Variants in TK2 observed in about 807,000 individuals in gnomAD.
TK2 encodes the protein thymidine kinase 2.
A neutral mutation model predicts 41.9 loss-of-function variants in TK2; 35 were observed. The ratio of observed to expected loss-of-function variants is 0.84; its 90% CI spans 0.64 to 1.11. TK2 has a LOEUF of 1.11. Among genes scored for constraint, TK2 ranks in the 50% least tolerant of loss-of-function variants. TK2 has a pLI of 0.00. For missense variants in TK2, 320 were observed against 351.1 expected (o/e 0.91, Z 0.71); for synonymous variants, 128 against 129.1 (o/e 0.99, Z 0.06).
rs1964431876 is a variant in TK2 at position 66,510,922 on chromosome 16, T to C, written c.*1046A>G. 1 of 152,184 alleles carries C rather than the reference T, an allele frequency of 6.6e-6. No homozygotes were observed. The highest frequency in any genetic ancestry group is 1.5e-5 in the Non-Finnish European group (1 of 68,048). 9.4% of individuals were successfully genotyped at this position (152,184 alleles called of 1,614,324 possible). Reference sequence around the variant, plus strand: ...CAAAGATGATTTCAGGCTCTATGGCTCGAGGCATTTCCCTGGATGAAATAA... The same window carrying C: ...CAAAGATGATTTCAGGCTCTATGGCCCGAGGCATTTCCCTGGATGAAATAA... On this transcript the variant is annotated 3_prime_UTR_variant, in exon 10 of 10. Coordinates refer to ENST00000544898, the MANE Select transcript of TK2 (RefSeq NM_004614.5).
chr16:66,515,013 G>T (rs1448637253), intron 8 of TK2, among the ~76,000 whole-genome samples: 2 of 152,110 alleles, frequency 1.3e-5, no homozygotes, highest in Non-Finnish European at 2.9e-5. Flanking sequence ...CAAGTACCCA[G>T]GGACACAAAC....
At chr16:66,520,613 G>C (rs990686515) in intron 6 of TK2, among the ~76,000 whole-genome samples, 1 of 152,202 alleles carries the variant, frequency 6.6e-6, no homozygotes. Context: ...TCCAACCAGC[G>C]AGTGAGAAGC....
At chr16:66,525,641 C>T (rs781663509) in intron 6 of TK2, among the ~76,000 whole-genome samples, 29 of 152,204 alleles carry the variant, frequency 1.9e-4, no homozygotes, top group Non-Finnish European at 3.2e-4. Flanking sequence ...CTCCCAGTAG[C>T]CTCTGGAGTG....
chr16:66,528,242 G>A (rs1427883057), intron 6 of TK2, among the ~76,000 whole-genome samples: 1 of 152,132 alleles, frequency 6.6e-6, no homozygotes, highest in Non-Finnish European at 1.5e-5. Flanking sequence ...GGGACAGGTG[G>A]GGTCTGCAAC....
chr16:66,522,435 A>T (rs1177483572), intron 6 of TK2, among the ~76,000 whole-genome samples: 1 of 152,224 alleles, frequency 6.6e-6, no homozygotes, highest in East Asian at 1.9e-4. Flanking sequence ...TTCTTAGAAA[A>T]GGACGACCAG....
At position 66,517,413 on chromosome 16, in the gene TK2, G is replaced by A; in HGVS notation, c.539-198C>T. ...CAGCGGCCCCGTGGGGTCGTTTTGAGGCTGAATGGGATTCTGTTCATAGAC... is the reference window on the plus strand; with the variant it reads ...CAGCGGCCCCGTGGGGTCGTTTTGAAGCTGAATGGGATTCTGTTCATAGAC... On this transcript the variant is annotated intron_variant, in intron 7 of 9. Transcript: ENST00000544898. The surrounding 1 kb of genome is among the most constrained non-coding windows in gnomAD (Gnocchi z 4.3). 3 of 656,806 alleles carry A rather than the reference G, an allele frequency of 4.6e-6. No homozygotes were observed. Among genetic ancestry groups the A allele is most frequent in the Non-Finnish European group, 8.2e-6 (3 of 364,080 alleles). 40.7% of individuals were successfully genotyped at this position (656,806 alleles called of 1,614,324 possible).
At chr16:66,546,380 T>G (rs951085029) in intron 2 of TK2, among the ~76,000 whole-genome samples, 4 of 152,216 alleles carry the variant, frequency 2.6e-5, no homozygotes, top group African/African-American at 9.6e-5. Flanking sequence ...AATAAAGCTG[T>G]TTTAAAAAGG....
At chr16:66,528,890 T>C (rs949701260) in intron 6 of TK2, 104 bp downstream of exon 6, 24 of 1,094,390 alleles carry the variant, frequency 2.2e-5, no homozygotes, top group Admixed American at 9.0e-5. Flanking sequence ...GGATAACTGA[T>C]ACAACAGCGG....
intron 6 of TK2, among the ~76,000 whole-genome samples, chr16:66,527,775 A>G (rs989882254): frequency 6.6e-6 from 1 of 152,180 alleles, no homozygotes; most frequent in African/African-American, 2.4e-5. Flanking sequence ...CACACCTATA[A>G]TCCCAGCACT....
Position 66,548,601 on chromosome 16 carries a change from G to A in TK2, c.156+377C>T, listed in dbSNP as rs376292433. 15 of 260,184 alleles carry A rather than the reference G, an allele frequency of 5.8e-5. 1 individual carries two copies. Among genetic ancestry groups the A allele is most frequent in the African/African-American group, 1.4e-4 (6 of 44,422 alleles). The allele number at this position is 260,184 out of a possible 1,614,324, so 16.1% of individuals were successfully genotyped here. A position where few individuals can be genotyped will look rare whatever the true frequency, so the allele number is the denominator to read the frequency against. On this transcript the variant is annotated intron_variant, in intron 2 of 9. Transcript: ENST00000544898. ...TGCCCACCCACCAGTCTCAACACTG[G>A]GGGGAGAGGGTGGTGGTGGACAGAG...
chr16:66,534,594 T>C (rs1354863220), intron 4 of TK2, among the ~76,000 whole-genome samples: 1 of 152,246 alleles, frequency 6.6e-6, no homozygotes, highest in African/African-American at 2.4e-5. Context: ...ATGCCAAGCA[T>C]GGTCCCATCT....
At chr16:66,527,546 G>A (rs184142912) in intron 6 of TK2, among the ~76,000 whole-genome samples, 30 of 152,286 alleles carry the variant, frequency 2.0e-4, no homozygotes, top group African/African-American at 6.5e-4. Flanking sequence ...GTCCACCCTA[G>A]GCAAGGACAA....
Position 66,517,267 on chromosome 16 carries a change from C to T in TK2, c.539-52G>A. On this transcript the variant is annotated intron_variant, in intron 7 of 9. Coordinates refer to ENST00000544898, the MANE Select transcript of TK2 (RefSeq NM_004614.5). This position sits in a 1 kb window ranked among gnomAD's most constrained non-coding sequence, Gnocchi z 4.3. Reference sequence around the variant, plus strand: ...CAGGACTCTGCTCATGGCTTGGAAGCAAAGCAGGCACACAGGCAAAGGCGG... The same window carrying T: ...CAGGACTCTGCTCATGGCTTGGAAGTAAAGCAGGCACACAGGCAAAGGCGG... 6.6e-7 allele frequency: 1 copy of T among 1,507,348 alleles called. No individual in the cohort carries two copies. The highest frequency in any genetic ancestry group is 1.7e-5 in the Admixed American group (1 of 59,880). The allele number at this position is 1,507,348 out of a possible 1,614,324, so 93.4% of individuals were successfully genotyped here.
intron 9 of TK2, among the ~76,000 whole-genome samples, 175 bp downstream of exon 9, chr16:66,513,556 G>C (rs1285504903): frequency 2.0e-5 from 3 of 152,184 alleles, no homozygotes; most frequent in African/African-American, 7.2e-5. Flanking sequence ...CTCACTCTGA[G>C]ACTCAGCCCA....
intron 6 of TK2, among the ~76,000 whole-genome samples, chr16:66,526,463 C>T (rs1172704248): frequency 2.6e-5 from 4 of 152,134 alleles, no homozygotes; most frequent in Admixed American, 2.0e-4. Context: ...GCCACGAGGC[C>T]GAGCAGAGCT....
At position 66,510,232 on chromosome 16, in the gene TK2, G is replaced by C. The variant is rs920151320; in HGVS notation, c.*1736C>G. ...AGGCAAAAAAAAAAAAAAAAAAAGAGAGAGAAATCACATTTCCCCAAAAAT... is the reference window on the plus strand; with the variant it reads ...AGGCAAAAAAAAAAAAAAAAAAAGACAGAGAAATCACATTTCCCCAAAAAT... On this transcript the variant is annotated 3_prime_UTR_variant, in exon 10 of 10. Coordinates refer to ENST00000544898, the MANE Select transcript of TK2 (RefSeq NM_004614.5). 2.0e-5 allele frequency: 3 copies of C among 147,952 alleles called. No individual in the cohort carries two copies. Among genetic ancestry groups the C allele is most frequent in the African/African-American group, 7.5e-5 (3 of 39,916 alleles). 9.2% of individuals were successfully genotyped at this position (147,952 alleles called of 1,614,324 possible).
chr16:66,540,024 G>A (rs991558770), intron 3 of TK2, among the ~76,000 whole-genome samples: 1 of 152,188 alleles, frequency 6.6e-6, no homozygotes, highest in African/African-American at 2.4e-5. Flanking sequence ...ACCCTTGCAA[G>A]CAGGCATTTC....
intron 6 of TK2, among the ~76,000 whole-genome samples, chr16:66,525,148 G>T (rs573110033): frequency 6.6e-6 from 1 of 152,154 alleles, no homozygotes; most frequent in Non-Finnish European, 1.5e-5. Flanking sequence ...AGATGCCCCC[G>T]TTTCCAGGGA....
chr16:66,533,901 G>A lies in TK2; in HGVS notation c.286-2432C>T, dbSNP rs376113422. 1.3e-3 allele frequency among the ~76,000 whole-genome samples: 195 copies of A among 151,486 alleles called. 4 individuals are homozygous for A. The South Asian group carries it at 0.039, about 31-fold the overall frequency. ...TGGGCGCCTGTAGTCCCAGCTACTCGGGAGGCTGAGGCAGGAGAATGGCGC... is the reference window on the plus strand; with the variant it reads ...TGGGCGCCTGTAGTCCCAGCTACTCAGGAGGCTGAGGCAGGAGAATGGCGC... On this transcript the variant is annotated intron_variant, in intron 4 of 9. Transcript: ENST00000544898.
Sources: allele counts gnomAD v4.1 joint callset (sites outside exome capture counted in the v4.1 genomes callset), GRCh38; gene constraint gnomAD v4.1.1; non-coding constraint Gnocchi (gnomAD v3.1); transcripts MANE v1.5; gene names NCBI Gene and HGNC (gene_info 2026-07-23, HGNC 2026-07-21).